MROH2B: variants seen among roughly 807,000 people sequenced by gnomAD.
MROH2B encodes the protein maestro heat like repeat family member 2B.
Under a neutral mutation model 208.6 loss-of-function variants are expected in MROH2B, and 177 were observed. The ratio of observed to expected loss-of-function variants is 0.85; its 90% CI spans 0.75 to 0.96. MROH2B has a LOEUF of 0.96. MROH2B is among the 40% of genes least tolerant of loss of function. The pLI is 0.00. For synonymous variants in MROH2B, 728 were observed against 659.0 expected (o/e 1.10, Z -1.60); for missense variants, 2,002 against 1,878.7 (o/e 1.07, Z -1.21).
In MROH2B at chr5:41,022,411, C is replaced by A. The variant is rs182105944; in HGVS notation, c.2442-3393G>T. On this transcript the variant is annotated intron_variant, in intron 24 of 41. Coordinates refer to ENST00000399564, the MANE Select transcript of MROH2B (RefSeq NM_173489.5). Reference sequence around the variant, plus strand: ...CACACCAGGAGATTATATCCCGCGCCTGGCTTGGAGGGTCCCACACCCACG... The same window carrying A: ...CACACCAGGAGATTATATCCCGCGCATGGCTTGGAGGGTCCCACACCCACG... Among the ~76,000 whole-genome samples the A allele has an allele frequency of 1.9e-3, 279 of 147,834 alleles. 1 individual carries two copies. The highest frequency in any genetic ancestry group is 6.9e-3 in the African/African-American group (258 of 37,334).
In MROH2B at chr5:41,010,087, G is replaced by T; in HGVS notation, c.3136-8C>A. Reference sequence around the variant, plus strand: ...GCCTAAGATCTCCAATAGCTAAAGAGAAAAAAGCCAAGTCAAACATTAAGT... The same window carrying T: ...GCCTAAGATCTCCAATAGCTAAAGATAAAAAAGCCAAGTCAAACATTAAGT... On this transcript the variant is annotated splice_region_variant and splice_polypyrimidine_tract_variant and intron_variant, in intron 30 of 41. Transcript: ENST00000399564. 1 of 1,610,226 alleles carries T rather than the reference G, an allele frequency of 6.2e-7. No individual in the cohort carries two copies. Among genetic ancestry groups the T allele is most frequent in the Non-Finnish European group, 8.5e-7 (1 of 1,178,444 alleles).
At chr5:41,015,322 T>G in intron 29 of MROH2B, 59 bp downstream of exon 29, 1 of 1,446,378 alleles carries the variant, frequency 6.9e-7, no homozygotes. Flanking sequence ...GTATGTAGCT[T>G]ACTCATTTGG....
At chr5:41,021,432 A>G (rs993046347) in intron 24 of MROH2B, among the ~76,000 whole-genome samples, 2 of 152,232 alleles carry the variant, frequency 1.3e-5, no homozygotes, top group Admixed American at 6.5e-5. Context: ...GTAGAAATAG[A>G]AAAATTCATC....
At chr5:41,020,913 C>A (rs1410907155) in intron 24 of MROH2B, among the ~76,000 whole-genome samples, 1 of 152,166 alleles carries the variant, frequency 6.6e-6, no homozygotes, top group Non-Finnish European at 1.5e-5. Flanking sequence ...TTTACAACTT[C>A]TATTTAGCAT....
intron 24 of MROH2B, among the ~76,000 whole-genome samples, chr5:41,024,013 C>T (rs1299101567): frequency 6.6e-6 from 1 of 152,162 alleles, no homozygotes; most frequent in Non-Finnish European, 1.5e-5. Context: ...CAGGCCTGCC[C>T]TAAAAGAGCT....
In MROH2B at chr5:41,010,095, C is replaced by G; in HGVS notation, c.3136-16G>C. 1 of 1,609,720 alleles carries G rather than the reference C, an allele frequency of 6.2e-7. No homozygotes were observed. The highest frequency in any genetic ancestry group is 1.1e-5 in the South Asian group (1 of 90,670). ...TCTCCAATAGCTAAAGAGAAAAAAG[C>G]CAAGTCAAACATTAAGTTGCCATTT... is the stretch of plus-strand genomic sequence containing the variant. On this transcript the variant is annotated splice_polypyrimidine_tract_variant and intron_variant, in intron 30 of 41. Coordinates refer to ENST00000399564, the MANE Select transcript of MROH2B (RefSeq NM_173489.5).
intron 1 of MROH2B, 130 bp downstream of exon 1, chr5:41,070,695 T>G (rs915927035): frequency 2.4e-6 from 2 of 828,808 alleles, no homozygotes; most frequent in South Asian, 1.8e-5. Context: ...GCATACCATT[T>G]CATAAATCCT....
In MROH2B at chr5:41,042,072, T is replaced by C; in HGVS notation, c.1953+20A>G. 2.1e-6 allele frequency: 3 copies of C among 1,418,988 alleles called. No individual in the cohort carries two copies. Among genetic ancestry groups the C allele is most frequent in the Non-Finnish European group, 2.9e-6 (3 of 1,021,798 alleles). 87.9% of individuals were successfully genotyped at this position (1,418,988 alleles called of 1,614,324 possible). On this transcript the variant is annotated intron_variant, in intron 19 of 41. Coordinates refer to ENST00000399564, the MANE Select transcript of MROH2B (RefSeq NM_173489.5). The stretch of plus-strand genomic sequence containing the variant: ...GTGTTGTTATCATCATAAGAGGAAA[T>C]TGAGAGCAAGGGGTCCCACCTGTCT...
intron 24 of MROH2B, among the ~76,000 whole-genome samples, chr5:41,027,380 A>T (rs1422218272): frequency 6.6e-6 from 1 of 152,260 alleles, no homozygotes; most frequent in Non-Finnish European, 1.5e-5. Context: ...TGGGCAAAGG[A>T]TATGAACAGA....
At chr5:41,049,057 T>C in intron 15 of MROH2B, 44 bp downstream of exon 15, 1 of 1,552,664 alleles carries the variant, frequency 6.4e-7, no homozygotes, top group Non-Finnish European at 8.7e-7. Flanking sequence ...ACTATCCTTA[T>C]CAGCTTAAAT....
At chr5:41,030,096 A>AT (rs1217329796) in intron 24 of MROH2B, among the ~76,000 whole-genome samples, 4 of 152,044 alleles carry the variant, frequency 2.6e-5, no homozygotes, top group East Asian at 3.9e-4. Context: ...AATTAAAAAA[A>AT]ATATTATAAT....
intron 9 of MROH2B, among the ~76,000 whole-genome samples, chr5:41,056,183 A>T (rs377568105): frequency 2.0e-5 from 3 of 152,118 alleles, no homozygotes; most frequent in African/African-American, 4.8e-5. Flanking sequence ...CAGGAAAAGG[A>T]GAAGAGACAT....
chr5:41,063,325 G>C (rs56743283), intron 5 of MROH2B, among the ~76,000 whole-genome samples: 1 of 152,184 alleles, frequency 6.6e-6, no homozygotes, highest in Non-Finnish European at 1.5e-5. Flanking sequence ...CCTTGAGTCA[G>C]ACTGTCATAG....
At chr5:40,998,408 A>G (rs1396685321) in intron 41 of MROH2B, among the ~76,000 whole-genome samples, 3 of 152,196 alleles carry the variant, frequency 2.0e-5, no homozygotes. Context: ...ATCGTAGTCT[A>G]TTGGTGTTTC....
Position 41,039,566 on chromosome 5 carries a change from A to C in MROH2B, c.1954-11T>G. 6.5e-7 allele frequency: 1 copy of C among 1,529,546 alleles called. No homozygotes were observed. The highest frequency in any genetic ancestry group is 8.9e-7 in the Non-Finnish European group (1 of 1,118,382). The allele number at this position is 1,529,546 out of a possible 1,614,324, so 94.7% of individuals were successfully genotyped here. On this transcript the variant is annotated splice_polypyrimidine_tract_variant and intron_variant, in intron 19 of 41. Transcript: ENST00000399564. ...AATAGATGTTATTCCCTAAAATCAG[A>C]AAAGGTATGACATTTTGAGTTTAAC...
chr5:41,017,738 G>C, intron 28 of MROH2B, 112 bp downstream of exon 28: 1 of 1,212,402 alleles, frequency 8.2e-7, no homozygotes, highest in Non-Finnish European at 1.1e-6. Context: ...GAGGAAAGAG[G>C]AGAGAGGAGA....
At position 41,057,563 on chromosome 5, in the gene MROH2B, CT is replaced by C. The variant is rs776904759; in HGVS notation, c.757-204del. Among the ~76,000 whole-genome samples the C allele has an allele frequency of 1.6e-4, 12 of 73,230 alleles. 2 individuals carry two copies. In the Admixed American group the frequency reaches 2.1e-3, roughly 13 times the overall value. 48.0% of individuals were successfully genotyped at this position (73,230 alleles called of 152,430 possible). On this transcript the variant is annotated intron_variant, in intron 7 of 41. Transcript: ENST00000399564. ...ATGAATGAATGAACGAATATCCCTC[CT>C]TTTTTTTTTTGAGACGGAGTCTTGT...
chr5:41,025,623 C>G (rs13162635), intron 24 of MROH2B, among the ~76,000 whole-genome samples: 2 of 151,970 alleles, frequency 1.3e-5, no homozygotes, highest in South Asian at 2.1e-4. Context: ...GGAGCCGGTA[C>G]CATTCCTTCT....
chr5:41,059,893 G>A (rs1428605659), intron 6 of MROH2B, among the ~76,000 whole-genome samples: 2 of 152,136 alleles, frequency 1.3e-5, no homozygotes, highest in Non-Finnish European at 2.9e-5. Flanking sequence ...ATGCAATGAT[G>A]ATACCCAAAT....
Sources: gnomAD v4.1 joint callset for allele counts (sites outside exome capture counted in the v4.1 genomes callset) on GRCh38, gnomAD v4.1.1 for gene constraint, MANE v1.5 for transcripts, NCBI Gene and HGNC (gene_info 2026-07-23, HGNC 2026-07-21) for gene names.